HMGXB3: variants seen among roughly 807,000 people sequenced by gnomAD.
The protein encoded by HMGXB3 is HMG-box containing 3.
Under a neutral mutation model 121.5 loss-of-function variants are expected in HMGXB3, and 45 were observed. The ratio of observed to expected loss-of-function variants is 0.37; its 90% CI spans 0.29 to 0.47. The LOEUF is 0.47. HMGXB3 is among the 20% of genes least tolerant of loss of function. The pLI is 0.99. For synonymous variants in HMGXB3, 590 were observed against 624.1 expected (o/e 0.95, Z 0.81); for missense variants, 1,376 against 1,602.2 (o/e 0.86, Z 2.41).
At chr5:150,022,681 C>G (rs1304067441) in intron 6 of HMGXB3, among the ~76,000 whole-genome samples, 1 of 152,128 alleles carries the variant, frequency 6.6e-6, no homozygotes, top group African/African-American at 2.4e-5. Flanking sequence ...TAAATTTTCC[C>G]TCTCCTGCAG....
At chr5:150,014,515 T>G (rs1217771446) in intron 5 of HMGXB3, among the ~76,000 whole-genome samples, 1 of 152,242 alleles carries the variant, frequency 6.6e-6, no homozygotes, top group East Asian at 1.9e-4. Context: ...TTATTCCTTT[T>G]GAGGACCTAC....
At chr5:150,014,814 G>A (rs1755924019) in intron 5 of HMGXB3, 1 of 440,048 alleles carries the variant, frequency 2.3e-6, no homozygotes, top group South Asian at 2.6e-5. Flanking sequence ...CTTGGGAGGT[G>A]GGGGAACATA....
At position 150,026,702 on chromosome 5, in the gene HMGXB3, T is replaced by A. The variant is rs1247638364; in HGVS notation, c.1461-4T>A. The A allele has an allele frequency of 1.3e-6, 2 of 1,548,320 alleles. No individual in the cohort carries two copies. The highest frequency in any genetic ancestry group is 4.0e-5 in the Admixed American group (2 of 49,904). ...TTCCAGATTTCTCTTCTTATTCTTTTCAGAGCTGACCTGCTTACCCCTGGG... is the reference window on the plus strand; with the variant it reads ...TTCCAGATTTCTCTTCTTATTCTTTACAGAGCTGACCTGCTTACCCCTGGG... On this transcript the variant is annotated splice_polypyrimidine_tract_variant and splice_region_variant and intron_variant, in intron 7 of 19. Transcript: ENST00000502717.
intron 3 of HMGXB3, among the ~76,000 whole-genome samples, chr5:150,008,438 A>G (rs1755758390): frequency 6.6e-6 from 1 of 152,224 alleles, no homozygotes; most frequent in Non-Finnish European, 1.5e-5. Context: ...GACATAATAA[A>G]TATTACCCTT....
rs1265215462 is a variant in HMGXB3 at position 150,018,572 on chromosome 5, A to G, written c.916A>G (p.Thr306Ala). 5.8e-6 allele frequency: 9 copies of G among 1,548,316 alleles called. No homozygotes were observed. The African/African-American group carries it at 1.1e-4, about 19-fold the overall frequency. ...ATGTGCTCTTTATTTACAGACCACT[A>G]CATATACCCGCCGGGGCCATGGGAC... Reference protein sequence around the residue: ...ENPTSIKLTTTYTRRGHGTCT... With the variant: ...ENPTSIKLTTAYTRRGHGTCT... Residue 306 changes from threonine (T) to alanine (A), a missense_variant, in exon 6 of 20, where the codon ACA becomes GCA. Thr to Ala is a moderately conservative substitution (Grantham distance 58). Around this residue, in one of 2 missense-constraint regions of HMGXB3, gnomAD observed 1,116 missense variants for 1,369.0 expected, o/e 0.82. Transcript: ENST00000502717.
chr5:150,004,080 A>G (rs1755641976), intron 1 of HMGXB3, among the ~76,000 whole-genome samples: 1 of 151,902 alleles, frequency 6.6e-6, no homozygotes, highest in Non-Finnish European at 1.5e-5. Context: ...ATGTTGACCA[A>G]GCTGGCTGGC....
At chr5:150,031,601 A>G (rs1438090682) in intron 10 of HMGXB3, among the ~76,000 whole-genome samples, 1 of 152,264 alleles carries the variant, frequency 6.6e-6, no homozygotes, top group Non-Finnish European at 1.5e-5. Context: ...TGCTTAAAGT[A>G]TCAACCAGCA....
Position 150,026,993 on chromosome 5 carries a change from C to A in HMGXB3, c.1637-27C>A. 1.9e-6 allele frequency: 3 copies of A among 1,547,374 alleles called. No individual in the cohort carries two copies. The South Asian group carries it at 3.6e-5, about 18-fold the overall frequency. ...GGGGAGACTCTGAATGCACTTAAGT[C>A]ACCAGTTTGGCTCCTGGTTCTCTCA... On this transcript the variant is annotated intron_variant, in intron 8 of 19. Coordinates refer to ENST00000502717, the MANE Select transcript of HMGXB3 (RefSeq NM_014983.3).
rs556874855 is a variant in HMGXB3, at chr5:150,017,054, C to G, written c.910-1512C>G. ...GAGAAACTGGTTATTTCTCCTGAGT[C>G]TTTATTCTCCTGGAAATTACTGTTC... is the stretch of plus-strand genomic sequence containing the variant. On this transcript the variant is annotated intron_variant, in intron 5 of 19. Transcript: ENST00000502717. 2.0e-5 allele frequency among the ~76,000 whole-genome samples: 3 copies of G among 152,272 alleles called. No homozygotes were observed. In the South Asian group the frequency reaches 6.2e-4, roughly 32 times the overall value.
intron 9 of HMGXB3, among the ~76,000 whole-genome samples, chr5:150,028,301 A>G (rs889599301): frequency 2.0e-5 from 3 of 151,706 alleles, no homozygotes; most frequent in African/African-American, 7.3e-5. Flanking sequence ...GGTGACTTTG[A>G]ATAGAATGGG....
intron 13 of HMGXB3, among the ~76,000 whole-genome samples, chr5:150,039,161 C>T (rs548600753): frequency 7.2e-5 from 11 of 152,262 alleles, no homozygotes; most frequent in Non-Finnish European, 1.5e-4. Context: ...ACTGTAGAGT[C>T]AGCTTGTCAA....
intron 16 of HMGXB3, among the ~76,000 whole-genome samples, chr5:150,045,978 C>A (rs1354699541): frequency 2.0e-5 from 3 of 152,214 alleles, no homozygotes; most frequent in Non-Finnish European, 4.4e-5. Context: ...GATAAGGCTC[C>A]ATCCCCAAAG....
intron 1 of HMGXB3, among the ~76,000 whole-genome samples, chr5:150,004,644 G>A (rs375792207): frequency 2.6e-5 from 4 of 152,162 alleles, no homozygotes; most frequent in South Asian, 2.1e-4. Flanking sequence ...CCATACCCTC[G>A]GGAGATTCTG....
Position 150,026,855 on chromosome 5 carries a change from G to A in HMGXB3, c.1610G>A (p.Arg537Lys). The A allele has an allele frequency of 2.6e-6, 4 of 1,519,120 alleles. No individual in the cohort carries two copies. Among genetic ancestry groups the A allele is most frequent in the Non-Finnish European group, 3.5e-6 (4 of 1,131,950 alleles). The allele number at this position is 1,519,120 out of a possible 1,614,324, so 94.1% of individuals were successfully genotyped here. ...VGRGSSMGLP[R>K]ARQAFSLSDK... ...CGAGGCAGCAGCATGGGACTGCCCA[G>A]GGCCAGGCAGGCCTTTTCCCTGAGT... Residue 537 changes from arginine to lysine, a missense_variant, in exon 8 of 20, where the codon AGG becomes AAG. By Grantham distance (26) the Arg-to-Lys change is conservative. This residue lies in a region of HMGXB3 where 1,116 missense variants were observed against 1,369.0 expected (regional missense o/e 0.82). Coordinates refer to ENST00000502717, the MANE Select transcript of HMGXB3 (RefSeq NM_014983.3).
intron 13 of HMGXB3, 44 bp from the exon 14 acceptor site, chr5:150,040,704 T>C (rs774507974): frequency 1.3e-6 from 2 of 1,542,380 alleles, no homozygotes; most frequent in African/African-American, 2.8e-5. Context: ...TTTGCCATTG[T>C]GTATGATACA....
chr5:150,010,386 C>T lies in HMGXB3; in HGVS notation c.588C>T (p.Thr196=). ...TGGCTGAGGAGGTGGGAGCCCTTAC[C>T]CAGTCAGGTGCTGTACAGGAGATTG... The part of the protein sequence containing the change: ...EALAEEVGAL[T]QSGAVQEIAT... The change falls in exon 4 of 20, where the codon ACC becomes ACT. Residue 196 remains threonine, a synonymous_variant. Transcript: ENST00000502717. 3.2e-6 allele frequency: 5 copies of T among 1,551,638 alleles called. No homozygotes were observed. The highest frequency in any genetic ancestry group is 3.5e-6 in the Non-Finnish European group (4 of 1,146,978).
intron 1 of HMGXB3, among the ~76,000 whole-genome samples, chr5:150,003,793 A>C (rs894367809): frequency 6.6e-6 from 1 of 151,804 alleles, no homozygotes; most frequent in African/African-American, 2.4e-5. Flanking sequence ...GCAAAACCCT[A>C]TCTCTCCAAA....
At chr5:150,037,360 T>C in intron 12 of HMGXB3, 40 bp from the exon 13 acceptor site, 3 of 1,495,194 alleles carry the variant, frequency 2.0e-6, no homozygotes, top group Non-Finnish European at 2.7e-6. Context: ...AGAAGTCTCT[T>C]TCCCTTCTTT....
chr5:150,019,467 A>G (rs907477481), intron 6 of HMGXB3, among the ~76,000 whole-genome samples: 1 of 152,200 alleles, frequency 6.6e-6, no homozygotes, highest in African/African-American at 2.4e-5. Context: ...AGTTCCGTTT[A>G]ACATGTTGTC....
Sources: allele counts gnomAD v4.1 joint callset (sites outside exome capture counted in the v4.1 genomes callset), GRCh38; gene constraint gnomAD v4.1.1; regional missense constraint gnomAD v4.1.1; transcripts MANE v1.5; gene names NCBI Gene and HGNC (gene_info 2026-07-23, HGNC 2026-07-21).